Variants in MLIP observed in about 807,000 individuals in gnomAD.
The protein encoded by MLIP is muscular LMNA-interacting protein.
MLIP carries 79 observed loss-of-function variants against 84.8 expected under a neutral mutation model. The ratio of observed to expected loss-of-function variants is 0.93; its 90% CI spans 0.78 to 1.12. MLIP has a LOEUF of 1.12. Ranked by LOEUF, MLIP falls within the 50% of genes most tolerant of loss-of-function variation. MLIP has a pLI of 0.00. For missense variants in MLIP, 1,257 were observed against 1,160.6 expected (o/e 1.08, Z -1.21); for synonymous variants, 504 against 463.0 (o/e 1.09, Z -1.14).
intron 12 of MLIP, among the ~76,000 whole-genome samples, chr6:54,233,392 T>C (rs1781143471): frequency 6.6e-6 from 1 of 151,786 alleles, no homozygotes; most frequent in Non-Finnish European, 1.5e-5. Flanking sequence ...TGTGTTTTCA[T>C]TGTTCAACTC....
chr6:54,093,204 G>A (rs1272757646), intron 1 of MLIP, among the ~76,000 whole-genome samples: 1 of 152,092 alleles, frequency 6.6e-6, no homozygotes, highest in Non-Finnish European at 1.5e-5. Context: ...AAGCTGCACA[G>A]AGCTCTCAGA....
chr6:54,070,366 T>A (rs1451053141), intron 1 of MLIP, among the ~76,000 whole-genome samples: 1 of 152,202 alleles, frequency 6.6e-6, no homozygotes, highest in Non-Finnish European at 1.5e-5. Flanking sequence ...GATAATGGAT[T>A]GGTAAGAATC....
At chr6:54,045,588 A>T (rs1275852391) in intron 1 of MLIP, 3 of 152,140 alleles carry the variant, frequency 2.0e-5, no homozygotes, top group Admixed American at 2.0e-4. Flanking sequence ...GTTGAATTTT[A>T]ATCCCCAGTG....
chr6:54,157,331 CA>C (rs1321273721), intron 5 of MLIP, among the ~76,000 whole-genome samples: 1 of 152,126 alleles, frequency 6.6e-6, no homozygotes, highest in Non-Finnish European at 1.5e-5. Context: ...GAGAGAGCCT[CA>C]AATGGCCTAA....
intron 1 of MLIP, among the ~76,000 whole-genome samples, chr6:54,020,844 G>A (rs998627636): frequency 6.6e-6 from 1 of 152,228 alleles, no homozygotes; most frequent in East Asian, 1.9e-4. Context: ...AGAGGCATAC[G>A]AACATTCACC....
intron 12 of MLIP, among the ~76,000 whole-genome samples, chr6:54,241,119 C>A (rs1026948764): frequency 2.0e-5 from 3 of 150,774 alleles, no homozygotes; most frequent in African/African-American, 7.3e-5. Context: ...ACAGACGTTT[C>A]TTTTTTTTTG....
In MLIP at chr6:54,266,068, G is replaced by T. The variant is rs1476474220; in HGVS notation, c.*113G>T. 5 of 1,045,222 alleles carry T rather than the reference G, an allele frequency of 4.8e-6. No homozygotes were observed. The East Asian group carries it at 7.6e-5, about 16-fold the overall frequency. 64.7% of individuals were successfully genotyped at this position (1,045,222 alleles called of 1,614,324 possible). A position where few individuals can be genotyped will look rare whatever the true frequency, so the allele number is the denominator to read the frequency against. On this transcript the variant is annotated 3_prime_UTR_variant, in exon 14 of 14. Coordinates refer to ENST00000502396, the MANE Select transcript of MLIP (RefSeq NM_001281747.2). ...TTTCCAGAATGAGTGCTCCCTTTAT[G>T]AGCTGCAGTGCAGCAGAACCAAAAA... is the stretch of plus-strand genomic sequence containing the variant.
At chr6:54,121,636 C>A in intron 2 of MLIP, 34 bp downstream of exon 2, 1 of 1,452,868 alleles carries the variant, frequency 6.9e-7, no homozygotes, top group Non-Finnish European at 9.3e-7. Flanking sequence ...TAATTTCAAA[C>A]AATTATATTA....
intron 11 of MLIP, among the ~76,000 whole-genome samples, chr6:54,211,194 C>T (rs1779427826): frequency 1.3e-5 from 2 of 151,970 alleles, no homozygotes; most frequent in African/African-American, 4.8e-5. Flanking sequence ...CCATTGCACT[C>T]CAACCTGGGC....
At chr6:54,244,415 A>G (rs186853868) in intron 12 of MLIP, among the ~76,000 whole-genome samples, 1 of 152,332 alleles carries the variant, frequency 6.6e-6, no homozygotes, top group Admixed American at 6.5e-5. Context: ...ACACTATTTG[A>G]CGATGCCAAA....
intron 1 of MLIP, among the ~76,000 whole-genome samples, chr6:54,120,927 A>T (rs1450968881): frequency 2.0e-5 from 3 of 152,204 alleles, no homozygotes; most frequent in African/African-American, 7.2e-5. Flanking sequence ...TGAAGAATAA[A>T]TGAAGGAGAA....
Position 54,266,080 on chromosome 6 carries a change from A to G in MLIP, c.*125A>G. 3.3e-6 allele frequency: 3 copies of G among 918,502 alleles called. No individual in the cohort carries two copies. The highest frequency in any genetic ancestry group is 5.1e-6 in the Non-Finnish European group (3 of 591,404). 56.9% of individuals were successfully genotyped at this position (918,502 alleles called of 1,614,324 possible). A position where few individuals can be genotyped will look rare whatever the true frequency, so the allele number is the denominator to read the frequency against. The stretch of plus-strand genomic sequence containing the variant: ...GTGCTCCCTTTATGAGCTGCAGTGC[A>G]GCAGAACCAAAAAAAAAGTTTGCTG... On this transcript the variant is annotated 3_prime_UTR_variant, in exon 14 of 14. Coordinates refer to ENST00000502396, the MANE Select transcript of MLIP (RefSeq NM_001281747.2).
At chr6:54,219,730 C>T (rs1049414069) in intron 11 of MLIP, among the ~76,000 whole-genome samples, 9 of 152,016 alleles carry the variant, frequency 5.9e-5, no homozygotes, top group Non-Finnish European at 1.0e-4. Context: ...ACATGGGTCT[C>T]CTTTGTAGGT....
chr6:54,251,393 C>T (rs1025899107), intron 12 of MLIP, among the ~76,000 whole-genome samples: 1 of 136,580 alleles, frequency 7.3e-6, no homozygotes, highest in Non-Finnish European at 1.5e-5. Flanking sequence ...ATTAAAAACA[C>T]AAATACTTTA....
chr6:54,110,229 C>A (rs1392205778), upstream of MLIP, among the ~76,000 whole-genome samples: 1 of 151,952 alleles, frequency 6.6e-6, no homozygotes, highest in African/African-American at 2.4e-5. Flanking sequence ...GTGGTCCGCC[C>A]GCCTCGGCCT....
At chr6:54,182,912 T>C (rs567674044) in intron 9 of MLIP, among the ~76,000 whole-genome samples, 1 of 152,290 alleles carries the variant, frequency 6.6e-6, no homozygotes, top group East Asian at 1.9e-4. Context: ...TAAATTACTT[T>C]TAAGTGCAGA....
intron 1 of MLIP, among the ~76,000 whole-genome samples, chr6:54,065,723 C>A (rs1265511154): frequency 2.0e-5 from 2 of 99,604 alleles, no homozygotes; most frequent in African/African-American, 5.1e-5. Flanking sequence ...ATGGGTTACC[C>A]AGTTCCTCTC....
intron 1 of MLIP, among the ~76,000 whole-genome samples, chr6:54,100,640 T>A (rs1481353672): frequency 6.6e-6 from 1 of 152,140 alleles, no homozygotes; most frequent in Non-Finnish European, 1.5e-5. Context: ...GTCCTTTATC[T>A]ACTATTCCTT....
chr6:54,072,450 C>T (rs1766544646), intron 1 of MLIP, among the ~76,000 whole-genome samples: 1 of 152,148 alleles, frequency 6.6e-6, no homozygotes, highest in African/African-American at 2.4e-5. Flanking sequence ...GGCATACAAA[C>T]CTGTTGGTCC....
Sources: gnomAD v4.1 joint callset for allele counts (sites outside exome capture counted in the v4.1 genomes callset) on GRCh38, gnomAD v4.1.1 for gene constraint, MANE v1.5 for transcripts, NCBI Gene and HGNC (gene_info 2026-07-23, HGNC 2026-07-21) for gene names.